The following SWAP70 variants were observed in gnomAD, a reference collection of about 807,000 sequenced individuals.
The protein encoded by SWAP70 is switching B cell complex subunit SWAP70, also known as switch-associated protein 70.
Under a neutral mutation model 80.2 loss-of-function variants are expected in SWAP70, and 34 were observed. The observed-to-expected ratio is 0.42, with a 90% CI of 0.32 to 0.56. The LOEUF is 0.56. SWAP70 is among the 20% of genes least tolerant of loss of function. SWAP70 has a pLI of 0.09. For synonymous variants in SWAP70, 239 were observed against 238.5 expected (o/e 1.00, Z -0.02); for missense variants, 578 against 690.7 (o/e 0.84, Z 1.83).
chr11:9,733,268 G>A (rs1226577295), intron 7 of SWAP70, among the ~76,000 whole-genome samples: 4 of 152,318 alleles, frequency 2.6e-5, no homozygotes, highest in African/African-American at 9.6e-5. Flanking sequence ...GATCCCAGGG[G>A]TGGTAGTGAG....
rs542800731 is a variant in SWAP70 at position 9,699,870 on chromosome 11, A to G, written c.240+5584A>G. Among the ~76,000 whole-genome samples the G allele has an allele frequency of 2.0e-3, 224 of 114,126 alleles. 3 individuals are homozygous for G. In the South Asian group the frequency reaches 0.036, roughly 18 times the overall value. 74.9% of individuals were successfully genotyped at this position (114,126 alleles called of 152,430 possible). On this transcript the variant is annotated intron_variant, in intron 2 of 11. Coordinates refer to ENST00000318950, the MANE Select transcript of SWAP70 (RefSeq NM_015055.4). The stretch of plus-strand genomic sequence containing the variant: ...GTCACCCAGGCTGTATAGTGTGTAT[A>G]TATATATATATATATATATAGTCTC...
chr11:9,671,829 A>G (rs1850412832), intron 1 of SWAP70, among the ~76,000 whole-genome samples: 1 of 96,694 alleles, frequency 1.0e-5, no homozygotes, highest in Admixed American at 1.5e-4. Flanking sequence ...AATATATAAT[A>G]TAATAATATA....
At chr11:9,692,217 AATAT>A (rs5789612) in intron 1 of SWAP70, among the ~76,000 whole-genome samples, 45,321 of 145,110 alleles carry the variant, frequency 0.31, 7,308 homozygotes, top group African/African-American at 0.39. Context: ...GGCCACTTAA[AATAT>A]ATATATATAT....
chr11:9,704,084 A>G (rs1057090672), intron 2 of SWAP70, among the ~76,000 whole-genome samples: 2 of 152,210 alleles, frequency 1.3e-5, no homozygotes, highest in African/African-American at 2.4e-5. Context: ...TGTATTTACT[A>G]TGTTGTGTGG....
chr11:9,712,942 C>CTT (rs1371670383), intron 2 of SWAP70, among the ~76,000 whole-genome samples: 1 of 152,176 alleles, frequency 6.6e-6, no homozygotes, highest in Non-Finnish European at 1.5e-5. Flanking sequence ...GGTGATCCGC[C>CTT]TGCCTCGGCC....
At chr11:9,725,554 TATATATATATA>T (rs1851205334) in intron 4 of SWAP70, among the ~76,000 whole-genome samples, 3 of 10,176 alleles carry the variant, frequency 2.9e-4, no homozygotes, top group African/African-American at 9.2e-4. Flanking sequence ...TATATATATA[TATATATATATA>T]TATATTTTTT....
intron 4 of SWAP70, among the ~76,000 whole-genome samples, chr11:9,726,181 A>AC (rs1461846597): frequency 1.3e-5 from 2 of 152,292 alleles, no homozygotes; most frequent in East Asian, 3.9e-4. Flanking sequence ...GGAAAAAAAA[A>AC]TACCTTTATG....
chr11:9,672,976 C>A (rs1028973997), intron 1 of SWAP70, among the ~76,000 whole-genome samples: 12 of 152,154 alleles, frequency 7.9e-5, no homozygotes, highest in African/African-American at 2.7e-4. Context: ...TAACAATCAA[C>A]ACAGAAGATT....
chr11:9,702,207 C>T (rs1304688257), intron 2 of SWAP70, among the ~76,000 whole-genome samples: 1 of 151,922 alleles, frequency 6.6e-6, no homozygotes, highest in South Asian at 2.1e-4. Flanking sequence ...AGTGTAGTCT[C>T]AAGTTTCTTC....
intron 7 of SWAP70, among the ~76,000 whole-genome samples, chr11:9,735,931 G>A (rs555382189): frequency 2.0e-5 from 3 of 152,184 alleles, no homozygotes; most frequent in South Asian, 4.1e-4. Context: ...AGCTGGATAA[G>A]TTTTCAGCCA....
At chr11:9,725,546 TATATATATATATA>T (rs1851202305) in intron 4 of SWAP70, among the ~76,000 whole-genome samples, 3 of 9,306 alleles carry the variant, frequency 3.2e-4, no homozygotes, top group African/African-American at 9.9e-4. Context: ...TATATATATA[TATATATATATATA>T]TATATATATA....
chr11:9,669,234 A>G (rs548082285), intron 1 of SWAP70, among the ~76,000 whole-genome samples: 1 of 152,316 alleles, frequency 6.6e-6, no homozygotes, highest in South Asian at 2.1e-4. Flanking sequence ...GATTAAGCCC[A>G]TTCTATTAAT....
intron 1 of SWAP70, among the ~76,000 whole-genome samples, chr11:9,683,741 C>T (rs1027666098): frequency 6.6e-6 from 1 of 152,184 alleles, no homozygotes; most frequent in African/African-American, 2.4e-5. Context: ...GAAAAGTGAT[C>T]CTACCACCCC....
At chr11:9,745,633 T>C (rs1461956405) in intron 9 of SWAP70, among the ~76,000 whole-genome samples, 1 of 152,224 alleles carries the variant, frequency 6.6e-6, no homozygotes, top group Non-Finnish European at 1.5e-5. Flanking sequence ...CTCTATAATA[T>C]GAGCTGTTAC....
At chr11:9,739,345 T>C (rs531876963) in intron 8 of SWAP70, among the ~76,000 whole-genome samples, 4 of 152,208 alleles carry the variant, frequency 2.6e-5, no homozygotes, top group African/African-American at 9.7e-5. Flanking sequence ...GTGTTTGTGG[T>C]TCAGAGAAAA....
chr11:9,748,808 G>A (rs1390040727), intron 10 of SWAP70, among the ~76,000 whole-genome samples: 1 of 152,210 alleles, frequency 6.6e-6, no homozygotes, highest in Non-Finnish European at 1.5e-5. Context: ...ATTGTAATTC[G>A]TATGCAGATG....
At chr11:9,676,900 G>A (rs528623101) in intron 1 of SWAP70, among the ~76,000 whole-genome samples, 1 of 151,982 alleles carries the variant, frequency 6.6e-6, no homozygotes, top group Non-Finnish European at 1.5e-5. Flanking sequence ...TGATCCGCCT[G>A]CCTCGGCCTC....
rs578090647 is a variant in SWAP70 at position 9,724,718 on chromosome 11, T to C, written c.475T>C (p.Phe159Leu). 6.2e-7 allele frequency: 1 copy of C among 1,614,146 alleles called. No homozygotes were observed. Among genetic ancestry groups the C allele is most frequent in the East Asian group, 2.2e-5 (1 of 44,872 alleles). Reference sequence around the variant, plus strand: ...GGGAGGAGGTTGGCAGCAAGAACAATTTGAACATTATAAAATCAACTTTGA... The same window carrying C: ...GGGAGGAGGTTGGCAGCAAGAACAACTTGAACATTATAAAATCAACTTTGA... ...AMGGGWQQEQ[F>L]EHYKINFDDS... Residue 159 changes from phenylalanine to leucine, a missense_variant, in exon 4 of 12, where the codon TTT becomes CTT. Phe to Leu is a conservative substitution (Grantham distance 22, BLOSUM62 0). Transcript: ENST00000318950.
chr11:9,701,485 T>G (rs1415545422), intron 2 of SWAP70, among the ~76,000 whole-genome samples: 3 of 151,880 alleles, frequency 2.0e-5, no homozygotes, highest in Non-Finnish European at 4.4e-5. Context: ...AATGTTAAAT[T>G]TTTAAATTCC....
Sources: allele counts gnomAD v4.1 joint callset (sites outside exome capture counted in the v4.1 genomes callset), GRCh38; gene constraint gnomAD v4.1.1; transcripts MANE v1.5; gene names NCBI Gene and HGNC (gene_info 2026-07-23, HGNC 2026-07-21).